The following JAKMIP1 variants were observed in gnomAD, a reference collection of about 807,000 sequenced individuals.
JAKMIP1 encodes janus kinase and microtubule interacting protein 1.
Under a neutral mutation model 113.0 loss-of-function variants are expected in JAKMIP1, and 33 were observed. That is an observed-to-expected ratio of 0.29 (90% CI 0.22 to 0.39). The LOEUF (loss-of-function observed/expected upper bound fraction) is 0.39. Ranked by LOEUF, JAKMIP1 falls within the 10% of genes least tolerant of loss-of-function variation. The pLI, the probability that JAKMIP1 is intolerant of heterozygous loss-of-function variation, is 1.00. For synonymous variants in JAKMIP1, 480 were observed against 459.9 expected, an observed-to-expected ratio of 1.04 and a Z score of -0.56; for missense variants, 813 against 1,080.5, an observed-to-expected ratio of 0.75 and a Z score of 3.47.
At position 6,078,980 on chromosome 4, in the gene JAKMIP1, G is replaced by C; in HGVS notation, c.1261C>G (p.Arg421Gly). 1 of 1,614,096 alleles carries C rather than the reference G, an allele frequency of 6.2e-7. No homozygotes were observed. Among genetic ancestry groups the C allele is most frequent in the Non-Finnish European group, 8.5e-7 (1 of 1,180,014 alleles). Residue 421 changes from arginine to glycine, a missense_variant, in exon 8 of 21, where the codon CGC becomes GGC. Coordinates refer to ENST00000409021, the MANE Select transcript of JAKMIP1 (RefSeq NM_001099433.2). Reference sequence around the variant, plus strand: ...CTTTTCCCTCGATGCCTTTTGGAGCGCAACAGCCGTTCTCTCTCCTAGAAG... The same window carrying C: ...CTTTTCCCTCGATGCCTTTTGGAGCCCAACAGCCGTTCTCTCTCCTAGAAG... ...DLSLERERLL[R>G]SKRHRGKSLK... is the part of the protein sequence containing the mutation.
Position 6,181,530 on chromosome 4 carries a change from A to T in JAKMIP1, c.-148+18723T>A, listed in dbSNP as rs1240920969. Reference sequence around the variant, plus strand: ...CCTAGCCAAGCAAAGGAGACACTGTAACAAGCCCAGGTGATAACTGGGAGA... The same window carrying T: ...CCTAGCCAAGCAAAGGAGACACTGTTACAAGCCCAGGTGATAACTGGGAGA... On this transcript the variant is annotated intron_variant, in intron 1 of 20. Coordinates refer to ENST00000409021, the MANE Select transcript of JAKMIP1 (RefSeq NM_001099433.2). This position sits in a 1 kb window ranked among gnomAD's most constrained non-coding sequence, Gnocchi z 5.4. Among the ~76,000 whole-genome samples the T allele has an allele frequency of 6.6e-6, 1 of 152,168 alleles. No homozygotes were observed. Among genetic ancestry groups the T allele is most frequent in the Non-Finnish European group, 1.5e-5 (1 of 68,040 alleles).
chr4:6,092,066 A>T (rs1408537676), intron 3 of JAKMIP1, among the ~76,000 whole-genome samples: 2 of 152,154 alleles, frequency 1.3e-5, no homozygotes, highest in African/African-American at 4.8e-5. Context: ...TGAATATATC[A>T]TCAAATCATC....
chr4:6,160,237 A>G (rs4689349), intron 1 of JAKMIP1, among the ~76,000 whole-genome samples: 1 of 152,158 alleles, frequency 6.6e-6, no homozygotes, highest in African/African-American at 2.4e-5. Flanking sequence ...AATGTCAGGT[A>G]TGAGATGTAA....
chr4:6,133,959 G>A (rs745479047), intron 1 of JAKMIP1, among the ~76,000 whole-genome samples: 2 of 152,178 alleles, frequency 1.3e-5, no homozygotes, highest in Non-Finnish European at 2.9e-5. Context: ...ACTGGAGTGG[G>A]CCTGCACTAG....
intron 1 of JAKMIP1, among the ~76,000 whole-genome samples, chr4:6,147,744 C>G (rs1721031005): frequency 1.3e-5 from 2 of 152,250 alleles, no homozygotes. Context: ...AGGGCCCGGC[C>G]TGGGTCTGCA....
At chr4:6,165,280 G>T (rs1419836162) in intron 1 of JAKMIP1, among the ~76,000 whole-genome samples, 3 of 152,212 alleles carry the variant, frequency 2.0e-5, no homozygotes, top group African/African-American at 4.8e-5. Context: ...AATAGCTAAA[G>T]TTGTTTTGTT....
chr4:6,098,713 A>T (rs1182896716), intron 3 of JAKMIP1, among the ~76,000 whole-genome samples: 1 of 31,802 alleles, frequency 3.1e-5, no homozygotes, highest in Non-Finnish European at 7.3e-5. Flanking sequence ...AGAAAGAAAG[A>T]AAGAAAGAAA....
rs1720419615 is a variant in JAKMIP1 at position 6,080,892 on chromosome 4, C to T, written c.1102-580G>A. Among the ~76,000 whole-genome samples, 1 of 151,740 alleles carries T rather than the reference C, an allele frequency of 6.6e-6. No individual in the cohort carries two copies. The highest frequency in any genetic ancestry group is 1.5e-5 in the Non-Finnish European group (1 of 68,004). Reference sequence around the variant, plus strand: ...CACACTGCTGACAGGAAGGGATGCGCAGGGCCTGGGGGTGGAAGACGACAT... The same window carrying T: ...CACACTGCTGACAGGAAGGGATGCGTAGGGCCTGGGGGTGGAAGACGACAT... On this transcript the variant is annotated intron_variant, in intron 6 of 20. Coordinates refer to ENST00000409021, the MANE Select transcript of JAKMIP1 (RefSeq NM_001099433.2). This position sits in a 1 kb window ranked among gnomAD's most constrained non-coding sequence, Gnocchi z 6.0.
intron 2 of JAKMIP1, among the ~76,000 whole-genome samples, chr4:6,112,001 C>T (rs552510586): frequency 6.6e-6 from 1 of 152,304 alleles, no homozygotes; most frequent in Admixed American, 6.5e-5. Flanking sequence ...ACCTGAAAAG[C>T]TAGTTCAGGC....
intron 1 of JAKMIP1, among the ~76,000 whole-genome samples, chr4:6,198,589 CCA>C (rs1728095104): frequency 6.6e-6 from 1 of 152,154 alleles, no homozygotes; most frequent in Non-Finnish European, 1.5e-5. Context: ...AAGAATTACC[CCA>C]GACTCCAGAG....
Position 6,065,142 on chromosome 4 carries a change from T to C in JAKMIP1, c.1303-134A>G. On this transcript the variant is annotated intron_variant, in intron 8 of 20. Coordinates refer to ENST00000409021, the MANE Select transcript of JAKMIP1 (RefSeq NM_001099433.2). The surrounding 1 kb of genome is among the most constrained non-coding windows in gnomAD (Gnocchi z 5.1). The stretch of plus-strand genomic sequence containing the variant: ...CCACTGGGGCATCACAAGATGCGGT[T>C]GGTGGGCTTCGTAACTGACTGGGTG... The C allele has an allele frequency of 8.9e-7, 1 of 1,119,662 alleles. No homozygotes were observed. The highest frequency in any genetic ancestry group is 1.3e-6 in the Non-Finnish European group (1 of 756,014). The allele number at this position is 1,119,662 out of a possible 1,614,324, so 69.4% of individuals were successfully genotyped here. A position where few individuals can be genotyped will look rare whatever the true frequency, so the allele number is the denominator to read the frequency against.
chr4:6,163,617 T>C (rs1008644143), intron 1 of JAKMIP1, among the ~76,000 whole-genome samples: 11 of 152,280 alleles, frequency 7.2e-5, no homozygotes, highest in African/African-American at 2.6e-4. Context: ...AATCAAAAGC[T>C]AGACACAATG....
At chr4:6,090,681 C>T (rs948599312) in intron 3 of JAKMIP1, among the ~76,000 whole-genome samples, 9 of 152,144 alleles carry the variant, frequency 5.9e-5, no homozygotes, top group Admixed American at 5.9e-4. Flanking sequence ...TAGAGCGTCA[C>T]TGCCCCACGT....
At position 6,080,517 on chromosome 4, in the gene JAKMIP1, G is replaced by C. The variant is rs939828378; in HGVS notation, c.1102-205C>G. On this transcript the variant is annotated intron_variant, in intron 6 of 20. Coordinates refer to ENST00000409021, the MANE Select transcript of JAKMIP1 (RefSeq NM_001099433.2). This position sits in a 1 kb window ranked among gnomAD's most constrained non-coding sequence, Gnocchi z 6.0. ...CCAGAACTCCCGTGTGTTGTGGGAGGGGCCAGGTGGGAGATCATTGAATCA... is the reference window on the plus strand; with the variant it reads ...CCAGAACTCCCGTGTGTTGTGGGAGCGGCCAGGTGGGAGATCATTGAATCA... 6.6e-6 allele frequency among the ~76,000 whole-genome samples: 1 copy of C among 152,112 alleles called. No homozygotes were observed.
At position 6,098,670 on chromosome 4, in the gene JAKMIP1, GAGAAAGAAAGAAAGAAAGAAAGAA is replaced by G. The variant is rs757166386; in HGVS notation, c.624+6779_624+6802del. Among the ~76,000 whole-genome samples, 9 of 100,462 alleles carry G rather than the reference GAGAAAGAAAGAAAGAAAGAAAGAA, an allele frequency of 9.0e-5. No homozygotes were observed. In the South Asian group the frequency reaches 1.1e-3, roughly 12 times the overall value. 65.9% of individuals were successfully genotyped at this position (100,462 alleles called of 152,430 possible). ...AAAGGAAAGGAAAGGAAGAAAGAGA[GAGAAAGAAAGAAAGAAAGAAAGAA>G]AGAAAGAAAGAAAGAAAGAAAGAAA... On this transcript the variant is annotated intron_variant, in intron 3 of 20. Transcript: ENST00000409021.
chr4:6,068,061 G>A (rs777312954), intron 8 of JAKMIP1, among the ~76,000 whole-genome samples: 47 of 152,296 alleles, frequency 3.1e-4, no homozygotes, highest in South Asian at 8.3e-4. Flanking sequence ...CCCTCCTGGG[G>A]GCAACGACTC....
In JAKMIP1 at chr4:6,049,025, TTTA is replaced by T. The variant is rs1715336025; in HGVS notation, c.1963-106_1963-104del. On this transcript the variant is annotated intron_variant, in intron 15 of 20. Transcript: ENST00000409021. The surrounding 1 kb of genome is among the most constrained non-coding windows in gnomAD (Gnocchi z 7.0). ...TTTTTTTTTCGTTGTTGTTGTTTGTTTTATTATGTTTGTTTGTTTTGAGACGGA... is the reference window on the plus strand; with the variant it reads ...TTTTTTTTTCGTTGTTGTTGTTTGTTTTATGTTTGTTTGTTTTGAGACGGA... 2 of 853,450 alleles carry T rather than the reference TTTA, an allele frequency of 2.3e-6. No homozygotes were observed. Among genetic ancestry groups the T allele is most frequent in the Non-Finnish European group, 3.9e-6 (2 of 515,592 alleles). 52.9% of individuals were successfully genotyped at this position (853,450 alleles called of 1,614,324 possible).
Position 6,097,169 on chromosome 4 carries a change from T to C in JAKMIP1, c.624+8304A>G, listed in dbSNP as rs533946971. ...GGGGTATGCCACCATGTCCGGCTAA[T>C]TTTTAAATTTTTTGTAGAGGCAAGA... On this transcript the variant is annotated intron_variant, in intron 3 of 20. Transcript: ENST00000409021. The surrounding 1 kb of genome is among the most constrained non-coding windows in gnomAD (Gnocchi z 4.3). Among the ~76,000 whole-genome samples the C allele has an allele frequency of 6.6e-6, 1 of 152,238 alleles. No homozygotes were observed. Among genetic ancestry groups the C allele is most frequent in the South Asian group, 2.1e-4 (1 of 4,810 alleles).
At position 6,185,924 on chromosome 4, in the gene JAKMIP1, A is replaced by G. The variant is rs1948739775; in HGVS notation, c.-148+14329T>C. 1.3e-5 allele frequency among the ~76,000 whole-genome samples: 2 copies of G among 152,252 alleles called. No homozygotes were observed. The highest frequency in any genetic ancestry group is 4.8e-5 in the African/African-American group (2 of 41,468). On this transcript the variant is annotated intron_variant, in intron 1 of 20. Coordinates refer to ENST00000409021, the MANE Select transcript of JAKMIP1 (RefSeq NM_001099433.2). The surrounding 1 kb of genome is among the most constrained non-coding windows in gnomAD (Gnocchi z 5.3). Reference sequence around the variant, plus strand: ...GAAAATATTTATAGACTACAATTAAATATGACACTAGTTCAGACTGGACTT... The same window carrying G: ...GAAAATATTTATAGACTACAATTAAGTATGACACTAGTTCAGACTGGACTT...
Sources: allele counts gnomAD v4.1 joint callset (sites outside exome capture counted in the v4.1 genomes callset), GRCh38; gene constraint gnomAD v4.1.1; non-coding constraint Gnocchi (gnomAD v3.1); transcripts MANE v1.5; gene names NCBI Gene and HGNC (gene_info 2026-07-23, HGNC 2026-07-21).